The following LHB variants were observed in gnomAD, a reference collection of about 807,000 sequenced individuals.
LHB encodes lutropin subunit beta.
In LHB, 11 loss-of-function variants were observed where a neutral mutation model predicts 10.6. That is an observed-to-expected ratio of 1.04 (90% CI 0.66 to 1.72). The LOEUF is 1.72. LHB is among the 40% of genes most tolerant of loss of function. The pLI, the probability that LHB is intolerant of heterozygous loss-of-function variation, is 0.00. For missense variants in LHB, 184 were observed against 197.3 expected (o/e 0.93, Z 0.41); for synonymous variants, 86 against 83.1 (o/e 1.03, Z -0.19).
At chr19:49,019,137 G>A, upstream of LHB, 1 of 1,420,260 alleles carries the variant, frequency 7.0e-7, no homozygotes, top group Non-Finnish European at 9.2e-7. Context: ...CCCCGCCCCA[G>A]GGTTAGAGCC....
Position 49,017,064 on chromosome 19 carries a change from T to C in LHB, c.15+3A>G, listed in dbSNP as rs752062303. On this transcript the variant is annotated splice_donor_region_variant and intron_variant, in intron 1 of 2. Transcript: ENST00000649238. The stretch of plus-strand genomic sequence containing the variant: ...AAGGTGCCCAGGGGCCCTGTAGTCT[T>C]ACCTGGAGCATCTCCATCCTTGGTG... 2.5e-6 allele frequency: 4 copies of C among 1,613,854 alleles called. No individual in the cohort carries two copies. The South Asian group carries it at 3.3e-5, about 13-fold the overall frequency.
At chr19:49,019,438 C>T, upstream of LHB, 1 of 1,259,956 alleles carries the variant, frequency 7.9e-7, no homozygotes, top group Non-Finnish European at 1.0e-6. Context: ...CCGTCTAGCT[C>T]CGCAGCAGCT....
chr19:49,018,956 A>G (rs894819476), upstream of LHB: 6 of 1,534,286 alleles, frequency 3.9e-6, no homozygotes, highest in Middle Eastern at 2.1e-4. Flanking sequence ...ATACTGTGAA[A>G]GGCCGGCCAG....
chr19:49,017,381 C>T (rs1600206660), upstream of LHB: 1 of 1,084,026 alleles, frequency 9.2e-7, no homozygotes, highest in Non-Finnish European at 1.2e-6. Flanking sequence ...TGTAGGAAGG[C>T]CTGCCTCTGC....
Position 49,016,151 on chromosome 19 carries a change from G to A in LHB, c.343C>T (p.Arg115Cys), listed in dbSNP as rs201749590. 9.9e-6 allele frequency: 16 copies of A among 1,612,764 alleles called. No homozygotes were observed. The highest frequency in any genetic ancestry group is 3.3e-5 in the Admixed American group (2 of 60,024). ...ALSCRCGPCR[R>C]STSDCGGPKD... Reference sequence around the variant, plus strand: ...GGACCCCCACAGTCAGAGGTGCTGCGGCGGCAGGGTCCACAGCGACAGCTG... The same window carrying A: ...GGACCCCCACAGTCAGAGGTGCTGCAGCGGCAGGGTCCACAGCGACAGCTG... The change falls in exon 3 of 3, where the codon CGC (arginine) becomes TGC (cysteine). Residue 115 changes from arginine to cysteine, a missense_variant. Coordinates refer to ENST00000649238, the MANE Select transcript of LHB (RefSeq NM_000894.3).
In LHB at chr19:49,016,267, A is replaced by G. The variant is rs2039550071; in HGVS notation, c.227T>C (p.Val76Ala). Residue 76 changes from valine to alanine, a missense_variant, in exon 3 of 3, where the codon GTG becomes GCG. Val to Ala is a moderately conservative substitution (Grantham distance 64). Coordinates refer to ENST00000649238, the MANE Select transcript of LHB (RefSeq NM_000894.3). Reference protein sequence around the residue: ...QAVLPPLPQVVCTYRDVRFES... With the variant: ...QAVLPPLPQVACTYRDVRFES... ...GAAGCGCACATCACGGTAGGTGCAC[A>G]CCACCTGAGGCAGGGGCGGCAGGAC... The G allele has an allele frequency of 1.2e-6, 2 of 1,612,172 alleles. No homozygotes were observed. The highest frequency in any genetic ancestry group is 1.7e-6 in the Non-Finnish European group (2 of 1,179,814).
intron 1 of LHB, 52 bp downstream of exon 1, chr19:49,017,015 C>T (rs1568647069): frequency 2.5e-6 from 4 of 1,612,996 alleles, no homozygotes; most frequent in Non-Finnish European, 2.5e-6. Flanking sequence ...CTTCTCATGC[C>T]AGTGATGGCC....
At chr19:49,017,345 C>G (rs956779310), upstream of LHB, among the ~76,000 whole-genome samples, 6 of 152,038 alleles carry the variant, frequency 3.9e-5, no homozygotes, top group African/African-American at 1.5e-4. Flanking sequence ...AGGGACTAGT[C>G]GAGCCTGGAG....
In LHB at chr19:49,016,057, G is replaced by C. The variant is rs374676929; in HGVS notation, c.*11C>G. The stretch of plus-strand genomic sequence containing the variant: ...AGTCGGGATGGACTTGGAAGGCTGC[G>C]GGGAGGGTCTTTAGAGGAAGAGGAG... On this transcript the variant is annotated 3_prime_UTR_variant, in exon 3 of 3. Coordinates refer to ENST00000649238, the MANE Select transcript of LHB (RefSeq NM_000894.3). 1.9e-6 allele frequency: 3 copies of C among 1,613,766 alleles called. No homozygotes were observed. Among genetic ancestry groups the C allele is most frequent in the South Asian group, 2.2e-5 (2 of 91,070 alleles).
chr19:49,017,964 C>T (rs987760703), upstream of LHB: 4 of 398,448 alleles, frequency 1.0e-5, no homozygotes, highest in African/African-American at 2.1e-5. Flanking sequence ...CTGGCCCTGA[C>T]GGCTCACACC....
intron 2 of LHB, 58 bp from the exon 3 acceptor site, chr19:49,016,368 G>A (rs2039553043): frequency 6.2e-7 from 1 of 1,603,834 alleles, no homozygotes; most frequent in African/African-American, 1.3e-5. Context: ...CCTCAGCTGA[G>A]CTCCCAAGCT....
At position 49,016,582 on chromosome 19, in the gene LHB, T is replaced by C; in HGVS notation, c.148A>G (p.Asn50Asp). 6.2e-7 allele frequency: 1 copy of C among 1,610,744 alleles called. No homozygotes were observed. Residue 50 changes from asparagine (N) to aspartate (D), a missense_variant, in exon 2 of 3, where the codon AAC (asparagine) becomes GAC (aspartate). Asn to Asp is a conservative substitution (Grantham distance 23, BLOSUM62 1). Transcript: ENST00000649238. ...KEGCPVCITV[N>D]TTICAGYCPT... Reference sequence around the variant, plus strand: ...CAGTAGCCGGCACAGATGGTGGTGTTGACGGTGATGCACACTGGGCAGCCC... The same window carrying C: ...CAGTAGCCGGCACAGATGGTGGTGTCGACGGTGATGCACACTGGGCAGCCC...
chr19:49,016,408 AG>A, intron 2 of LHB, 98 bp from the exon 3 acceptor site: 1 of 1,599,378 alleles, frequency 6.3e-7, no homozygotes, highest in Non-Finnish European at 8.5e-7. Context: ...TCAGGAGCCC[AG>A]GAAGCCCTCT....
upstream of LHB, chr19:49,018,757 A>G: frequency 1.1e-6 from 1 of 887,592 alleles, no homozygotes; most frequent in Non-Finnish European, 1.7e-6. Context: ...TTGCTGCTAC[A>G]GAAGTCGAGG....
At position 49,016,205 on chromosome 19, in the gene LHB, C is replaced by T. The variant is rs768507564; in HGVS notation, c.289G>A (p.Asp97Asn). 1.9e-5 allele frequency: 30 copies of T among 1,612,508 alleles called. No individual in the cohort carries two copies. The highest frequency in any genetic ancestry group is 2.7e-5 in the African/African-American group (2 of 74,886). ...GCCACAGGGAAGGAGACCACGGGGT[C>T]CACACCACGCGGGCAGCCAGGGAGC... ...IRLPGCPRGV[D>N]PVVSFPVALS... The change falls in exon 3 of 3, where the codon GAC (aspartate) becomes AAC (asparagine). Residue 97 changes from aspartate to asparagine, a missense_variant. Asp to Asn is a conservative substitution (Grantham distance 23). Transcript: ENST00000649238.
chr19:49,018,379 T>C, upstream of LHB: 1 of 1,186,344 alleles, frequency 8.4e-7, no homozygotes, highest in Non-Finnish European at 1.1e-6. Context: ...TACAGCTGGA[T>C]CCTTGGGGAC....
upstream of LHB, chr19:49,018,224 G>A (rs547687692): frequency 4.5e-5 from 29 of 644,038 alleles, no homozygotes; most frequent in South Asian, 2.0e-3. Context: ...TGGTCGGGGC[G>A]GCCGGGAGGA....
At chr19:49,016,485 C>G (rs548937078) in intron 2 of LHB, 62 bp downstream of exon 2, 7 of 1,603,852 alleles carry the variant, frequency 4.4e-6, no homozygotes, top group East Asian at 2.2e-5. Context: ...CTTCCTCCCC[C>G]GCTGCCTCTG....
At position 49,016,093 on chromosome 19, in the gene LHB, TG is replaced by T; in HGVS notation, c.400del (p.Gln134AsnfsTer25). The part of the protein sequence containing the change: ...KDHPLTCDHP[Q>X]LSGLLFL Reference sequence around the variant, plus strand: ...TTAGAGGAAGAGGAGGCCTGAGAGTTGGGGGTGGTCACAGGTCAAGGGGTGG... The same window carrying T: ...TTAGAGGAAGAGGAGGCCTGAGAGTTGGGGTGGTCACAGGTCAAGGGGTGG... On this transcript the variant is annotated frameshift_variant, in exon 3 of 3. Transcript: ENST00000649238. LOFTEE classifies it high-confidence loss of function. 3 of 1,612,954 alleles carry T rather than the reference TG, an allele frequency of 1.9e-6. No homozygotes were observed. The highest frequency in any genetic ancestry group is 1.1e-5 in the South Asian group (1 of 91,032).
Sources: allele counts gnomAD v4.1 joint callset (sites outside exome capture counted in the v4.1 genomes callset), GRCh38; gene constraint gnomAD v4.1.1; transcripts MANE v1.5; gene names NCBI Gene and HGNC (gene_info 2026-07-23, HGNC 2026-07-21).